L3MBTL4: variants seen among roughly 807,000 people sequenced by gnomAD.
The protein encoded by L3MBTL4 is L3MBTL histone methyl-lysine binding protein 4.
A neutral mutation model predicts 84.5 loss-of-function variants in L3MBTL4; 70 were observed. The ratio of observed to expected loss-of-function variants is 0.83; its 90% CI spans 0.68 to 1.01. The LOEUF (loss-of-function observed/expected upper bound fraction) is 1.01. Among genes scored for constraint, L3MBTL4 ranks in the 50% least tolerant of loss-of-function variants. The pLI is 0.00. For synonymous variants in L3MBTL4, 274 were observed against 259.8 expected (o/e 1.05, Z -0.52); for missense variants, 715 against 754.8 (o/e 0.95, Z 0.62).
At chr18:6,095,625 C>T (rs960947532) in intron 14 of L3MBTL4, among the ~76,000 whole-genome samples, 1 of 152,280 alleles carries the variant, frequency 6.6e-6, no homozygotes, top group South Asian at 2.1e-4. Flanking sequence ...GCTGGGATTA[C>T]AAGCGTGAGC....
intron 14 of L3MBTL4, among the ~76,000 whole-genome samples, chr18:6,133,248 G>A (rs958758755): frequency 2.0e-5 from 3 of 152,006 alleles, no homozygotes; most frequent in Non-Finnish European, 4.4e-5. Context: ...AAGGGCTGCT[G>A]AGCATGTGAA....
intron 1 of L3MBTL4, among the ~76,000 whole-genome samples, chr18:6,355,256 T>G (rs570323359): frequency 1.3e-5 from 2 of 152,252 alleles, no homozygotes; most frequent in Non-Finnish European, 2.9e-5. Context: ...GATGTGATTA[T>G]TATGCATTGC....
At chr18:6,112,022 T>C (rs1159359948) in intron 14 of L3MBTL4, among the ~76,000 whole-genome samples, 5 of 152,212 alleles carry the variant, frequency 3.3e-5, no homozygotes, top group Non-Finnish European at 7.3e-5. Context: ...CCTCTGCTTC[T>C]ATGAGTTCAG....
intron 16 of L3MBTL4, among the ~76,000 whole-genome samples, chr18:5,971,854 C>T (rs1455125527): frequency 6.6e-6 from 1 of 152,120 alleles, no homozygotes; most frequent in East Asian, 1.9e-4. Context: ...TCAGTTAGTC[C>T]AAGTAGCAAG....
chr18:6,102,853 C>T (rs753226263), intron 14 of L3MBTL4, among the ~76,000 whole-genome samples: 1 of 152,110 alleles, frequency 6.6e-6, no homozygotes, highest in Non-Finnish European at 1.5e-5. Context: ...TGGGCTGGCA[C>T]ATTATCTATG....
intron 3 of L3MBTL4, among the ~76,000 whole-genome samples, chr18:6,305,306 C>T (rs2050533409): frequency 2.0e-5 from 3 of 152,164 alleles, no homozygotes; most frequent in African/African-American, 4.8e-5. Flanking sequence ...GAACAAATGA[C>T]CTACATTCTC....
intron 4 of L3MBTL4, among the ~76,000 whole-genome samples, chr18:6,268,916 T>G (rs950785572): frequency 3.3e-5 from 5 of 152,164 alleles, no homozygotes; most frequent in Admixed American, 3.3e-4. Flanking sequence ...ATAGCCCTAT[T>G]TTATTGTTCT....
chr18:6,146,924 A>T (rs1027616787), intron 13 of L3MBTL4, among the ~76,000 whole-genome samples: 1 of 151,808 alleles, frequency 6.6e-6, no homozygotes, highest in African/African-American at 2.4e-5. Flanking sequence ...TGTGCAGATG[A>T]TGGGGCGCTA....
chr18:6,070,482 A>G (rs28377630), intron 16 of L3MBTL4, among the ~76,000 whole-genome samples: 19,570 of 151,222 alleles, frequency 0.13, 2,557 homozygotes, highest in African/African-American at 0.34. Flanking sequence ...GGGTGAAAAA[A>G]GGATATTTCT....
intron 1 of L3MBTL4, among the ~76,000 whole-genome samples, chr18:6,401,223 T>C (rs2055497790): frequency 6.6e-6 from 1 of 152,196 alleles, no homozygotes; most frequent in African/African-American, 2.4e-5. Flanking sequence ...AAAATGATCG[T>C]ATTCGTATGA....
chr18:6,307,392 G>T (rs1174344052), intron 3 of L3MBTL4, among the ~76,000 whole-genome samples: 1 of 148,460 alleles, frequency 6.7e-6, no homozygotes, highest in Non-Finnish European at 1.5e-5. Flanking sequence ...AGCCGAGATT[G>T]CGCCACTGCA....
chr18:6,311,810 A>C (rs2050847862), intron 2 of L3MBTL4, among the ~76,000 whole-genome samples, 154 bp from the exon 3 acceptor site: 1 of 152,258 alleles, frequency 6.6e-6, no homozygotes, highest in Non-Finnish European at 1.5e-5. Context: ...TTGGTTTTAT[A>C]GTACTTAATA....
At chr18:6,305,310 C>T (rs2050533716) in intron 3 of L3MBTL4, among the ~76,000 whole-genome samples, 1 of 152,214 alleles carries the variant, frequency 6.6e-6, no homozygotes. Flanking sequence ...AAATGACCTA[C>T]ATTCTCTAGA....
intron 1 of L3MBTL4, among the ~76,000 whole-genome samples, chr18:6,350,565 C>T (rs772792860): frequency 1.0e-4 from 15 of 147,758 alleles, no homozygotes; most frequent in African/African-American, 1.8e-4. Flanking sequence ...AAAAAAAAAA[C>T]GGAAAACAAA....
chr18:5,996,774 G>C (rs1240795266), intron 16 of L3MBTL4, among the ~76,000 whole-genome samples: 1 of 152,196 alleles, frequency 6.6e-6, no homozygotes, highest in Non-Finnish European at 1.5e-5. Flanking sequence ...AAGGGCAGGG[G>C]ACTGAGGGGC....
At chr18:5,997,753 CTG>C (rs2054040749) in intron 16 of L3MBTL4, among the ~76,000 whole-genome samples, 1 of 152,140 alleles carries the variant, frequency 6.6e-6, no homozygotes, top group Admixed American at 6.5e-5. Context: ...CCTCCTGAGG[CTG>C]TGTCACCAAC....
chr18:6,239,843 A>T lies in L3MBTL4; in HGVS notation c.582T>A (p.Val194=). 6.2e-7 allele frequency: 1 copy of T among 1,614,162 alleles called. No homozygotes were observed. Among genetic ancestry groups the T allele is most frequent in the Non-Finnish European group, 8.5e-7 (1 of 1,180,024 alleles). ...TGTCCACGGCCTCCAGCTTCATTCCAACCTGAAATTCTTTAGACATTGGCC... is the reference window on the plus strand; with the variant it reads ...TGTCCACGGCCTCCAGCTTCATTCCTACCTGAAATTCTTTAGACATTGGCC... ...PNGPMSKEFQ[V]GMKLEAVDRK... The change falls in exon 9 of 19, where the codon GTT becomes GTA. Residue 194 remains valine, a synonymous_variant. Transcript: ENST00000317931.
intron 16 of L3MBTL4, among the ~76,000 whole-genome samples, chr18:6,037,326 T>G (rs548849920): frequency 7.2e-5 from 11 of 152,364 alleles, no homozygotes; most frequent in African/African-American, 2.6e-4. Flanking sequence ...TGTTAACCAC[T>G]ATTTATTGTC....
intron 16 of L3MBTL4, among the ~76,000 whole-genome samples, chr18:5,987,745 A>G (rs556143856): frequency 4.6e-5 from 7 of 152,366 alleles, no homozygotes; most frequent in Admixed American, 2.0e-4. Context: ...TTCTGAAAAA[A>G]AAATTAAACC....
Sources: gnomAD v4.1 joint callset for allele counts (sites outside exome capture counted in the v4.1 genomes callset) on GRCh38, gnomAD v4.1.1 for gene constraint, MANE v1.5 for transcripts, NCBI Gene and HGNC (gene_info 2026-07-23, HGNC 2026-07-21) for gene names.